CDH12: variants seen among roughly 807,000 people sequenced by gnomAD.
The protein encoded by CDH12 is cadherin-12.
CDH12 carries 41 observed loss-of-function variants against 74.1 expected under a neutral mutation model. That is an observed-to-expected ratio of 0.55 (90% CI 0.43 to 0.72). The LOEUF is 0.72. Ranked by LOEUF, CDH12 falls within the 30% of genes least tolerant of loss-of-function variation. The pLI is 0.00. For missense variants in CDH12, 945 were observed against 977.2 expected (o/e 0.97, Z 0.44); for synonymous variants, 399 against 355.0 (o/e 1.12, Z -1.39).
intron 1 of CDH12, among the ~76,000 whole-genome samples, chr5:22,643,139 G>C (rs981323855): frequency 2.0e-5 from 3 of 152,126 alleles, no homozygotes; most frequent in Non-Finnish European, 4.4e-5. Flanking sequence ...TATTGAAAGA[G>C]ACTGCAAATA....
intron 2 of CDH12, among the ~76,000 whole-genome samples, chr5:22,439,125 G>C (rs1401755766): frequency 4.0e-5 from 6 of 151,662 alleles, no homozygotes; most frequent in African/African-American, 7.3e-5. Context: ...TACAAAACTT[G>C]CATTATGACC....
In CDH12 at chr5:21,890,763, G is replaced by A. The variant is rs143989587; in HGVS notation, c.527-35973C>T. On this transcript the variant is annotated intron_variant, in intron 6 of 14. Coordinates refer to ENST00000382254, the MANE Select transcript of CDH12 (RefSeq NM_004061.5). ...CTATATATTTGAAAAACGAAATAACGCAATAAAGCTCATTTTATAAAAGGA... is the reference window on the plus strand; with the variant it reads ...CTATATATTTGAAAAACGAAATAACACAATAAAGCTCATTTTATAAAAGGA... 1.2e-3 allele frequency among the ~76,000 whole-genome samples: 184 copies of A among 152,022 alleles called. No homozygotes were observed. The East Asian group carries it at 0.016, about 13-fold the overall frequency.
At chr5:22,085,133 A>T (rs1742980416) in intron 4 of CDH12, among the ~76,000 whole-genome samples, 1 of 152,002 alleles carries the variant, frequency 6.6e-6, no homozygotes, top group Admixed American at 6.6e-5. Context: ...CTTAACTCGG[A>T]TGATGACTCT....
chr5:22,680,675 T>A (rs1316662653), intron 1 of CDH12, among the ~76,000 whole-genome samples: 1 of 152,068 alleles, frequency 6.6e-6, no homozygotes, highest in Non-Finnish European at 1.5e-5. Context: ...CTATGTTGAT[T>A]GCTTCAGCAA....
intron 3 of CDH12, among the ~76,000 whole-genome samples, chr5:22,271,199 A>G (rs1736383293): frequency 1.3e-5 from 2 of 152,242 alleles, no homozygotes; most frequent in African/African-American, 4.8e-5. Context: ...AATATTCTCA[A>G]CATTTTCTGT....
intron 4 of CDH12, among the ~76,000 whole-genome samples, chr5:22,173,273 T>A (rs1749140151): frequency 6.8e-6 from 1 of 146,942 alleles, no homozygotes; most frequent in African/African-American, 2.5e-5. Flanking sequence ...TTAAATTTTA[T>A]AATTATATAA....
intron 3 of CDH12, among the ~76,000 whole-genome samples, chr5:22,323,285 T>C (rs1738959229): frequency 6.6e-6 from 1 of 152,178 alleles, no homozygotes; most frequent in African/African-American, 2.4e-5. Flanking sequence ...ATATAATTCA[T>C]AGTATTACAA....
chr5:22,308,093 G>A (rs1738202434), intron 3 of CDH12, among the ~76,000 whole-genome samples: 1 of 151,784 alleles, frequency 6.6e-6, no homozygotes. Flanking sequence ...CGTTAGCCAG[G>A]ATGGTCTTGA....
chr5:22,322,964 A>G (rs1738946395), intron 3 of CDH12, among the ~76,000 whole-genome samples: 1 of 152,190 alleles, frequency 6.6e-6, no homozygotes, highest in East Asian at 1.9e-4. Context: ...TCACCCTAAA[A>G]GTGCAACCAA....
chr5:21,795,206 ATG>A (rs1229699505), intron 10 of CDH12, among the ~76,000 whole-genome samples: 1 of 93,614 alleles, frequency 1.1e-5, no homozygotes, highest in East Asian at 2.4e-4. Flanking sequence ...ACAAAAATAA[ATG>A]TGATTTTTTT....
intron 2 of CDH12, among the ~76,000 whole-genome samples, chr5:22,440,067 A>C (rs545700786): frequency 2.4e-4 from 36 of 152,138 alleles, no homozygotes; most frequent in Admixed American, 5.2e-4. Flanking sequence ...ATCACATACA[A>C]GAAAAATTTC....
chr5:22,486,076 C>T (rs1460186884), intron 2 of CDH12, among the ~76,000 whole-genome samples: 2 of 152,192 alleles, frequency 1.3e-5, no homozygotes, highest in African/African-American at 2.4e-5. Context: ...CTGCCCCGTG[C>T]CTGCCCTCAG....
chr5:22,447,028 T>C (rs948032263), intron 2 of CDH12, among the ~76,000 whole-genome samples: 6 of 152,102 alleles, frequency 3.9e-5, no homozygotes, highest in Non-Finnish European at 7.4e-5. Flanking sequence ...ATTCCTTCCT[T>C]GCATTAGCAT....
At chr5:22,576,619 T>A (rs1739801222) in intron 1 of CDH12, among the ~76,000 whole-genome samples, 1 of 152,162 alleles carries the variant, frequency 6.6e-6, no homozygotes, top group Non-Finnish European at 1.5e-5. Context: ...AAATTGCCGT[T>A]AAGCAAATTC....
chr5:22,575,032 A>G (rs892726798), intron 1 of CDH12, among the ~76,000 whole-genome samples: 3 of 152,118 alleles, frequency 2.0e-5, no homozygotes, highest in African/African-American at 7.2e-5. Context: ...AATTCTGAAG[A>G]AAATTTTATG....
intron 2 of CDH12, among the ~76,000 whole-genome samples, chr5:22,422,858 C>T (rs192050843): frequency 6.6e-5 from 10 of 152,172 alleles, no homozygotes; most frequent in Admixed American, 5.2e-4. Flanking sequence ...GGAAGAAAAT[C>T]TGCTGTAATT....
chr5:22,355,837 G>A (rs1740544252), intron 3 of CDH12, among the ~76,000 whole-genome samples: 2 of 152,076 alleles, frequency 1.3e-5, no homozygotes, highest in African/African-American at 2.4e-5. Context: ...ATGCACAAAT[G>A]TGTAGTTTAA....
intron 9 of CDH12, among the ~76,000 whole-genome samples, chr5:21,808,086 T>G (rs989624181): frequency 5.3e-5 from 8 of 151,984 alleles, no homozygotes; most frequent in Admixed American, 3.9e-4. Context: ...GCTAACAACA[T>G]TGTCATAGGA....
In CDH12 at chr5:21,884,176, T is replaced by C. The variant is rs141913915; in HGVS notation, c.527-29386A>G. 12,356 of 1,583,904 alleles carry C rather than the reference T, an allele frequency of 7.8e-3. 85 individuals carry two copies. Among genetic ancestry groups the C allele is most frequent in the South Asian group, 0.021 (1,922 of 90,470 alleles). ...CCAACAAAGCTTGTGAGAACTGCTT[T>C]ATTGGATGCTGCTGGTGTGGCCTCT... is the stretch of plus-strand genomic sequence containing the variant. On this transcript the variant is annotated intron_variant, in intron 6 of 14. Transcript: ENST00000382254.
Sources: gnomAD v4.1 joint callset for allele counts (sites outside exome capture counted in the v4.1 genomes callset) on GRCh38, gnomAD v4.1.1 for gene constraint, MANE v1.5 for transcripts, NCBI Gene and HGNC (gene_info 2026-07-23, HGNC 2026-07-21) for gene names.